NTPCR: variants seen among roughly 807,000 people sequenced by gnomAD.
The protein encoded by NTPCR is cancer-related nucleoside-triphosphatase.
Under a neutral mutation model 19.5 loss-of-function variants are expected in NTPCR, and 15 were observed. The ratio of observed to expected loss-of-function variants is 0.77; its 90% confidence interval spans 0.51 to 1.18. The LOEUF is 1.18. Ranked by LOEUF, NTPCR falls within the 50% of genes most tolerant of loss-of-function variation. The pLI is 0.00. For missense variants in NTPCR, 206 were observed against 240.4 expected, an observed-to-expected ratio of 0.86 and a Z score of 0.95; for synonymous variants, 90 against 95.8, an observed-to-expected ratio of 0.94 and a Z score of 0.36.
intron 1 of NTPCR, among the ~76,000 whole-genome samples, chr1:232,952,402 T>G (rs899812699): frequency 1.3e-5 from 2 of 151,232 alleles, no homozygotes; most frequent in African/African-American, 4.9e-5. Context: ...GAGACCTGTC[T>G]CTTGTTATGT....
rs1301237004 is a variant in NTPCR at position 232,970,183 on chromosome 1, T to C, written c.504+65T>C. On this transcript the variant is annotated intron_variant, in intron 4 of 4. Coordinates refer to ENST00000366628, the MANE Select transcript of NTPCR (RefSeq NM_032324.3). ...CAGATGATCTAAAATAGCAGATGGC[T>C]CTAAAATATCTCTTTGGTTTTGAGT... 6.3e-6 allele frequency: 8 copies of C among 1,276,092 alleles called. No homozygotes were observed. In the Admixed American group the frequency reaches 1.4e-4, roughly 23 times the overall value. 79.0% of individuals were successfully genotyped at this position (1,276,092 alleles called of 1,614,324 possible). A position where few individuals can be genotyped will look rare whatever the true frequency, so the allele number is the denominator to read the frequency against.
chr1:232,958,116 A>T (rs1668563153), intron 3 of NTPCR, among the ~76,000 whole-genome samples: 3 of 152,350 alleles, frequency 2.0e-5, no homozygotes, highest in Non-Finnish European at 4.4e-5. Flanking sequence ...TGTGAGTGTC[A>T]TTTAATCTAT....
intron 4 of NTPCR, chr1:232,976,350 C>T (rs1382133154): frequency 4.5e-6 from 7 of 1,541,220 alleles, no homozygotes; most frequent in Admixed American, 2.1e-5. Context: ...AGTCACCGTA[C>T]TGTGTCATAG....
At chr1:232,963,653 G>C (rs879679525) in intron 3 of NTPCR, 1 of 152,028 alleles carries the variant, frequency 6.6e-6, no homozygotes, top group Non-Finnish European at 1.5e-5. Flanking sequence ...TCTTGAGTCT[G>C]GTACTGAGAA....
rs567125212 is a variant in NTPCR at position 232,960,017 on chromosome 1, G to T, written c.294+3574G>T. On this transcript the variant is annotated intron_variant, in intron 3 of 4. Coordinates refer to ENST00000366628, the MANE Select transcript of NTPCR (RefSeq NM_032324.3). The stretch of plus-strand genomic sequence containing the variant: ...CTTCAGGCCAGGAGTTTGAGACCAG[G>T]CTGGCCAATATGGTGAAACCCAGTA... Among the ~76,000 whole-genome samples, 7 of 151,782 alleles carry T rather than the reference G, an allele frequency of 4.6e-5. No homozygotes were observed. In the South Asian group the frequency reaches 1.5e-3, roughly 32 times the overall value.
chr1:232,961,075 G>A (rs1164886730), intron 3 of NTPCR, among the ~76,000 whole-genome samples: 3 of 152,164 alleles, frequency 2.0e-5, no homozygotes, highest in Non-Finnish European at 4.4e-5. Flanking sequence ...AGGGACATGG[G>A]AATGGTCTCA....
Position 232,950,673 on chromosome 1 carries a change from T to G in NTPCR, c.-38T>G. On this transcript the variant is annotated 5_prime_UTR_variant, in exon 1 of 5. Transcript: ENST00000366628. ...CCTGAATTGCGACCCCAACCTGGACTGCTCCCCTGACCGCAACCCCTACCC... is the reference window on the plus strand; with the variant it reads ...CCTGAATTGCGACCCCAACCTGGACGGCTCCCCTGACCGCAACCCCTACCC... The G allele has an allele frequency of 2.5e-6, 4 of 1,580,810 alleles. No individual in the cohort carries two copies. Among genetic ancestry groups the G allele is most frequent in the Non-Finnish European group, 3.5e-6 (4 of 1,151,078 alleles).
intron 3 of NTPCR, chr1:232,963,170 G>A (rs1419863732): frequency 6.6e-6 from 1 of 152,144 alleles, no homozygotes; most frequent in Non-Finnish European, 1.5e-5. Context: ...GCTATCTGGC[G>A]CAAACAGAAA....
chr1:232,951,635 T>A (rs1379900880), intron 1 of NTPCR, among the ~76,000 whole-genome samples: 1 of 152,242 alleles, frequency 6.6e-6, no homozygotes, highest in East Asian at 1.9e-4. Flanking sequence ...TGGGTTCAGA[T>A]ATCAAAGGCT....
intron 4 of NTPCR, chr1:232,976,755 C>T (rs1337057593): frequency 5.9e-6 from 3 of 512,200 alleles, no homozygotes; most frequent in Non-Finnish European, 9.7e-6. Flanking sequence ...CAGCCAGGAC[C>T]AGTAGAAATG....
intron 3 of NTPCR, among the ~76,000 whole-genome samples, chr1:232,959,362 C>T (rs140133847): frequency 2.5e-4 from 38 of 152,236 alleles, no homozygotes; most frequent in Admixed American, 1.4e-3. Flanking sequence ...CCCAACAATG[C>T]GGAACTGTGA....
At chr1:232,971,576 T>C (rs973509502) in intron 4 of NTPCR, among the ~76,000 whole-genome samples, 8 of 152,228 alleles carry the variant, frequency 5.3e-5, no homozygotes, top group Admixed American at 3.3e-4. Flanking sequence ...GAGCACCTAC[T>C]GTATGCTAGG....
At position 232,982,753 on chromosome 1, in the gene NTPCR, AG is replaced by A. The variant is rs1669316534; in HGVS notation, c.*4524del. On this transcript the variant is annotated 3_prime_UTR_variant, in exon 5 of 5. Transcript: ENST00000366628. ...GTCATACTCCTGGCTGACCACTGCC[AG>A]GCACCGTGGTTTTCCTCACTGAACT... 6.6e-6 allele frequency: 1 copy of A among 152,366 alleles called. No homozygotes were observed. The highest frequency in any genetic ancestry group is 2.4e-5 in the African/African-American group (1 of 41,578). 9.4% of individuals were successfully genotyped at this position (152,366 alleles called of 1,614,324 possible). A position where few individuals can be genotyped will look rare whatever the true frequency, so the allele number is the denominator to read the frequency against.
chr1:232,952,834 T>G (rs921296517), intron 1 of NTPCR, among the ~76,000 whole-genome samples: 2 of 152,194 alleles, frequency 1.3e-5, no homozygotes, highest in African/African-American at 4.8e-5. Context: ...ATCCTCTTAG[T>G]GCCCCTGGCA....
At chr1:232,974,202 T>G (rs1669063771) in intron 4 of NTPCR, among the ~76,000 whole-genome samples, 3 of 152,224 alleles carry the variant, frequency 2.0e-5, no homozygotes, top group Admixed American at 2.0e-4. Flanking sequence ...AGCAGATTTC[T>G]CAGGAGAAAC....
rs1669268652 is a variant in NTPCR at position 232,981,030 on chromosome 1, A to C, written c.*2799A>C. 1 of 152,248 alleles carries C rather than the reference A, an allele frequency of 6.6e-6. No individual in the cohort carries two copies. Among genetic ancestry groups the C allele is most frequent in the African/African-American group, 2.4e-5 (1 of 41,470 alleles). 9.4% of individuals were successfully genotyped at this position (152,248 alleles called of 1,614,324 possible). On this transcript the variant is annotated 3_prime_UTR_variant, in exon 5 of 5. Transcript: ENST00000366628. ...ATGTATTGCTTATATGAAGAATCTC[A>C]GCTAGAATAACAAGGTCGGATGGGA...
At position 232,953,791 on chromosome 1, in the gene NTPCR, C is replaced by T. The variant is rs6698142; in HGVS notation, c.35-1766C>T. Among the ~76,000 whole-genome samples, 602 of 151,478 alleles carry T rather than the reference C, an allele frequency of 4.0e-3. 5 individuals are homozygous for T. The highest frequency in any genetic ancestry group is 0.014 in the African/African-American group (574 of 41,310). Reference sequence around the variant, plus strand: ...GGTTTCTGCTATTAACCTGCTTTTTCCATATATTATTTTCATACATTGTGG... The same window carrying T: ...GGTTTCTGCTATTAACCTGCTTTTTTCATATATTATTTTCATACATTGTGG... On this transcript the variant is annotated intron_variant, in intron 1 of 4. Transcript: ENST00000366628.
At chr1:232,957,099 A>G (rs2102739712) in intron 3 of NTPCR, among the ~76,000 whole-genome samples, 1 of 152,310 alleles carries the variant, frequency 6.6e-6, no homozygotes, top group South Asian at 2.1e-4. Context: ...GAGTTTACTC[A>G]GGCGTATTTT....
chr1:232,972,136 C>G (rs1158711408), intron 4 of NTPCR, among the ~76,000 whole-genome samples: 9 of 152,146 alleles, frequency 5.9e-5, no homozygotes, highest in Non-Finnish European at 8.8e-5. Context: ...CTCTGAGACT[C>G]AAAATTATTC....
Sources: allele counts gnomAD v4.1 joint callset (sites outside exome capture counted in the v4.1 genomes callset), GRCh38; gene constraint gnomAD v4.1.1; transcripts MANE v1.5; gene names NCBI Gene and HGNC (gene_info 2026-07-23, HGNC 2026-07-21).